CCSER1: variants seen among roughly 807,000 people sequenced by gnomAD.
CCSER1 encodes coiled-coil serine rich protein 1.
A neutral mutation model predicts 82.0 loss-of-function variants in CCSER1; 41 were observed. The observed-to-expected ratio is 0.50, with a 90% confidence interval of 0.39 to 0.65. The LOEUF is 0.65. Ranked by LOEUF, CCSER1 falls within the 30% of genes least tolerant of loss-of-function variation. The pLI, the probability that CCSER1 is intolerant of heterozygous loss-of-function variation, is 0.00. For synonymous variants in CCSER1, 414 were observed against 383.9 expected (o/e 1.08, Z -0.92); for missense variants, 1,119 against 1,064.2 (o/e 1.05, Z -0.72).
At chr4:91,053,513 G>A (rs953784504) in intron 9 of CCSER1, among the ~76,000 whole-genome samples, 1 of 152,100 alleles carries the variant, frequency 6.6e-6, no homozygotes, top group Non-Finnish European at 1.5e-5. Flanking sequence ...GGTTCATTTA[G>A]CTTTCTATTC....
At chr4:90,333,171 G>A (rs1401288498) in intron 3 of CCSER1, among the ~76,000 whole-genome samples, 1 of 152,094 alleles carries the variant, frequency 6.6e-6, no homozygotes, top group Non-Finnish European at 1.5e-5. Context: ...CTCATTCCTG[G>A]TGATGTTACT....
chr4:90,488,273 G>A lies in CCSER1; in HGVS notation c.1724+19919G>A, dbSNP rs952552036. On this transcript the variant is annotated intron_variant, in intron 5 of 10. Transcript: ENST00000509176. Reference sequence around the variant, plus strand: ...CTCAGCACACTGCAAGCTCCGCCTCGGCCTCCATGGTTCACACCATTCTCC... The same window carrying A: ...CTCAGCACACTGCAAGCTCCGCCTCAGCCTCCATGGTTCACACCATTCTCC... Among the ~76,000 whole-genome samples, 12 of 152,020 alleles carry A rather than the reference G, an allele frequency of 7.9e-5. 1 individual carries two copies. Among genetic ancestry groups the A allele is most frequent in the East Asian group, 5.8e-4 (3 of 5,140 alleles).
intron 10 of CCSER1, among the ~76,000 whole-genome samples, chr4:91,442,832 A>T (rs1284577281): frequency 6.7e-6 from 1 of 150,334 alleles, no homozygotes; most frequent in Admixed American, 6.7e-5. Flanking sequence ...AGACACTTCT[A>T]AAAAGAAGAC....
chr4:90,172,718 A>G (rs1274024455), intron 1 of CCSER1, among the ~76,000 whole-genome samples: 3 of 151,836 alleles, frequency 2.0e-5, no homozygotes, highest in East Asian at 3.9e-4. Flanking sequence ...TATACTATCC[A>G]TTCCTCTGGG....
chr4:91,124,205 C>T (rs2148896249), intron 10 of CCSER1, among the ~76,000 whole-genome samples: 1 of 151,690 alleles, frequency 6.6e-6, no homozygotes, highest in East Asian at 1.9e-4. Context: ...GTAAACTATA[C>T]AAGAATATTA....
At chr4:91,095,655 A>G (rs886066779) in intron 10 of CCSER1, among the ~76,000 whole-genome samples, 2 of 152,194 alleles carry the variant, frequency 1.3e-5, no homozygotes, top group Non-Finnish European at 2.9e-5. Flanking sequence ...AGGAGTGTAC[A>G]TACGATAGGC....
At chr4:91,001,078 G>A (rs1306911301) in intron 9 of CCSER1, among the ~76,000 whole-genome samples, 5 of 152,030 alleles carry the variant, frequency 3.3e-5, no homozygotes, top group Admixed American at 6.5e-5. Flanking sequence ...TTTGAGGTAT[G>A]TTCTTTTGAT....
At chr4:90,245,286 T>G (rs1355209826) in intron 1 of CCSER1, among the ~76,000 whole-genome samples, 1 of 152,164 alleles carries the variant, frequency 6.6e-6, no homozygotes, top group Non-Finnish European at 1.5e-5. Context: ...TTTCATTATG[T>G]TTTTAGGCTA....
At chr4:90,478,294 C>T (rs1465284106) in intron 5 of CCSER1, among the ~76,000 whole-genome samples, 1 of 151,958 alleles carries the variant, frequency 6.6e-6, no homozygotes, top group Non-Finnish European at 1.5e-5. Flanking sequence ...ATTTGAACAC[C>T]TCTATTATAG....
At chr4:90,882,265 C>T (rs925003877) in intron 8 of CCSER1, among the ~76,000 whole-genome samples, 6 of 151,866 alleles carry the variant, frequency 4.0e-5, no homozygotes, top group East Asian at 1.9e-4. Flanking sequence ...CACAAATTTA[C>T]GAAGGGACAT....
chr4:90,266,299 A>G (rs1725213031), intron 1 of CCSER1, among the ~76,000 whole-genome samples: 2 of 152,072 alleles, frequency 1.3e-5, no homozygotes, highest in Non-Finnish European at 2.9e-5. Flanking sequence ...GAGAACTAAA[A>G]TGAATGTCAT....
At chr4:91,051,392 T>A (rs2148709948) in intron 9 of CCSER1, among the ~76,000 whole-genome samples, 1 of 152,298 alleles carries the variant, frequency 6.6e-6, no homozygotes, top group Admixed American at 6.5e-5. Flanking sequence ...CATCAATTGC[T>A]ATTGGGGATG....
At chr4:90,236,322 C>G (rs1745799551) in intron 1 of CCSER1, among the ~76,000 whole-genome samples, 1 of 152,030 alleles carries the variant, frequency 6.6e-6, no homozygotes, top group Non-Finnish European at 1.5e-5. Flanking sequence ...GAACTTTTTT[C>G]TTAATCGAGA....
At chr4:91,087,891 G>A (rs939763536) in intron 10 of CCSER1, among the ~76,000 whole-genome samples, 15 of 152,070 alleles carry the variant, frequency 9.9e-5, no homozygotes, top group Admixed American at 1.3e-4. Flanking sequence ...TATGTTCTAA[G>A]ATAAGAAACT....
At chr4:90,262,003 A>AT (rs537734880) in intron 1 of CCSER1, among the ~76,000 whole-genome samples, 1,775 of 151,906 alleles carry the variant, frequency 0.012, 44 homozygotes, top group African/African-American at 0.04. Flanking sequence ...TATATATTGA[A>AT]TTTTTTTTAA....
intron 5 of CCSER1, among the ~76,000 whole-genome samples, chr4:90,602,751 A>T (rs1461690133): frequency 6.6e-6 from 1 of 152,196 alleles, no homozygotes; most frequent in Non-Finnish European, 1.5e-5. Context: ...GGGACAATAT[A>T]GAAGAGTGCA....
chr4:90,250,383 T>G (rs1163626713), intron 1 of CCSER1, among the ~76,000 whole-genome samples: 1 of 152,102 alleles, frequency 6.6e-6, no homozygotes, highest in Non-Finnish European at 1.5e-5. Context: ...TAAGATCTAT[T>G]TTGATTCACT....
intron 1 of CCSER1, among the ~76,000 whole-genome samples, chr4:90,232,197 G>A (rs958439522): frequency 1.3e-4 from 20 of 152,028 alleles, no homozygotes; most frequent in African/African-American, 4.6e-4. Flanking sequence ...AAAGCTGGAG[G>A]CATCACACTA....
At chr4:91,408,475 C>T (rs989816742) in intron 10 of CCSER1, among the ~76,000 whole-genome samples, 2 of 152,198 alleles carry the variant, frequency 1.3e-5, no homozygotes, top group African/African-American at 4.8e-5. Context: ...AAATATATTA[C>T]ATCCAACCTT....
Sources: gnomAD v4.1 joint callset for allele counts (sites outside exome capture counted in the v4.1 genomes callset) on GRCh38, gnomAD v4.1.1 for gene constraint, MANE v1.5 for transcripts, NCBI Gene and HGNC (gene_info 2026-07-23, HGNC 2026-07-21) for gene names.